The following CDK12 variants were observed in gnomAD, a reference collection of about 807,000 sequenced individuals.
CDK12 encodes the protein cyclin-dependent kinase 12.
Under a neutral mutation model 133.8 loss-of-function variants are expected in CDK12, and 17 were observed. That is an observed-to-expected ratio of 0.13 (90% CI 0.09 to 0.19). CDK12 has a LOEUF of 0.19. CDK12 is among the 10% of genes least tolerant of loss of function. CDK12 has a pLI of 1.00. For missense variants in CDK12, 1,508 were observed against 1,818.7 expected (o/e 0.83, Z 3.11); for synonymous variants, 694 against 683.6 (o/e 1.02, Z -0.24).
Position 39,495,148 on chromosome 17 carries a change from G to A in CDK12, c.2419+454G>A, listed in dbSNP as rs142853283. Among the ~76,000 whole-genome samples, 442 of 152,058 alleles carry A rather than the reference G, an allele frequency of 2.9e-3. 2 individuals are homozygous for A. Among genetic ancestry groups the A allele is most frequent in the African/African-American group, 0.01 (423 of 41,498 alleles). On this transcript the variant is annotated intron_variant, in intron 5 of 13. Coordinates refer to ENST00000447079, the MANE Select transcript of CDK12 (RefSeq NM_016507.4). Reference sequence around the variant, plus strand: ...GGCTGGATTGCAGTCCTGTGATGTCGGCTCACTGCAGCCTCTGCCTCTCGG... The same window carrying A: ...GGCTGGATTGCAGTCCTGTGATGTCAGCTCACTGCAGCCTCTGCCTCTCGG...
At position 39,533,612 on chromosome 17, in the gene CDK12, A is replaced by G. The variant is rs868739126; in HGVS notation, c.*2296A>G. ...TCCCCTCTCCCACCTCTTATTTTTAATTATGCCAAATATCCTAAATAATAT... is the reference window on the plus strand; with the variant it reads ...TCCCCTCTCCCACCTCTTATTTTTAGTTATGCCAAATATCCTAAATAATAT... On this transcript the variant is annotated 3_prime_UTR_variant, in exon 14 of 14. Transcript: ENST00000447079. The G allele has an allele frequency of 5.2e-5, 12 of 232,920 alleles. No homozygotes were observed. The South Asian group carries it at 5.4e-4, about 11-fold the overall frequency. 14.4% of individuals were successfully genotyped at this position (232,920 alleles called of 1,614,324 possible).
At chr17:39,516,008 T>G (rs1375385308) in intron 9 of CDK12, among the ~76,000 whole-genome samples, 200 bp downstream of exon 9, 4 of 152,274 alleles carry the variant, frequency 2.6e-5, no homozygotes, top group African/African-American at 9.6e-5. Flanking sequence ...TTTTTAGATC[T>G]TACTTTGCAT....
In CDK12 at chr17:39,476,716, T is replaced by A. The variant is rs1308818829; in HGVS notation, c.1931+4953T>A. Reference sequence around the variant, plus strand: ...GCATGAGCCACCATGCCTGCCTTTTTTTTTTTTTTTTTTTTTTTTTTTTTG... The same window carrying A: ...GCATGAGCCACCATGCCTGCCTTTTATTTTTTTTTTTTTTTTTTTTTTTTG... On this transcript the variant is annotated intron_variant, in intron 2 of 13. Transcript: ENST00000447079. Among the ~76,000 whole-genome samples the A allele has an allele frequency of 7.1e-4, 72 of 100,780 alleles. 16 individuals are homozygous for A. Among genetic ancestry groups the A allele is most frequent in the African/African-American group, 1.5e-3 (38 of 24,550 alleles). 66.1% of individuals were successfully genotyped at this position (100,780 alleles called of 152,430 possible). A position where few individuals can be genotyped will look rare whatever the true frequency, so the allele number is the denominator to read the frequency against.
At chr17:39,553,497 C>T (rs574763020) in intron 2 of CDK12, among the ~76,000 whole-genome samples, 3 of 152,278 alleles carry the variant, frequency 2.0e-5, no homozygotes, top group Admixed American at 6.5e-5. Context: ...GATCACATGC[C>T]GACAGGGCTG....
chr17:39,484,966 C>T (rs980668812), intron 2 of CDK12, among the ~76,000 whole-genome samples: 2 of 151,980 alleles, frequency 1.3e-5, no homozygotes, highest in Non-Finnish European at 2.9e-5. Context: ...GTCAGGAGAT[C>T]GAGACCATCC....
intron 1 of CDK12, among the ~76,000 whole-genome samples, chr17:39,466,343 A>G (rs1305441529): frequency 1.3e-5 from 2 of 150,302 alleles, no homozygotes; most frequent in East Asian, 2.0e-4. Flanking sequence ...GGCCAGGCGC[A>G]GTGGATCACG....
At position 39,494,549 on chromosome 17, in the gene CDK12, G is replaced by A. The variant is rs770270328; in HGVS notation, c.2274G>A (p.Val758=). The A allele has an allele frequency of 8.7e-6, 14 of 1,613,954 alleles. No individual in the cohort carries two copies. Residue 758 remains valine (V), a synonymous_variant, in exon 5 of 14, where the codon GTG becomes GTA. Coordinates refer to ENST00000447079, the MANE Select transcript of CDK12 (RefSeq NM_016507.4). The part of the protein sequence containing the change: ...DTGELVALKK[V]RLDNEKEGFP... ...GAGAACTAGTGGCTCTGAAGAAGGT[G>A]AGACTAGACAATGAGAAAGAGGGCT...
At chr17:39,500,493 T>C (rs1448070803) in intron 5 of CDK12, among the ~76,000 whole-genome samples, 1 of 151,800 alleles carries the variant, frequency 6.6e-6, no homozygotes, top group Non-Finnish European at 1.5e-5. Context: ...ATTAGCCGGG[T>C]GTGGTGGCAC....
intron 5 of CDK12, among the ~76,000 whole-genome samples, chr17:39,500,768 C>G (rs929096012): frequency 6.6e-6 from 1 of 151,714 alleles, no homozygotes; most frequent in Non-Finnish European, 1.5e-5. Context: ...GCTTTGTTGC[C>G]CAGGCTGGAA....
chr17:39,525,751 T>C (rs2146709576), intron 12 of CDK12, 113 bp from the exon 13 acceptor site: 1 of 754,026 alleles, frequency 1.3e-6, no homozygotes, highest in East Asian at 2.6e-5. Flanking sequence ...AATGAGACAT[T>C]TAAAATGAAA....
rs2054925824 is a variant in CDK12 at position 39,532,499 on chromosome 17, A to G, written c.*1183A>G. The G allele has an allele frequency of 4.3e-6, 1 of 231,644 alleles. No individual in the cohort carries two copies. Among genetic ancestry groups the G allele is most frequent in the African/African-American group, 2.2e-5 (1 of 45,264 alleles). The allele number at this position is 231,644 out of a possible 1,614,324, so 14.3% of individuals were successfully genotyped here. A position where few individuals can be genotyped will look rare whatever the true frequency, so the allele number is the denominator to read the frequency against. On this transcript the variant is annotated 3_prime_UTR_variant, in exon 14 of 14. Coordinates refer to ENST00000447079, the MANE Select transcript of CDK12 (RefSeq NM_016507.4). ...AAAACCTTTCAAACAGAGCATTGTG[A>G]TATTGTCAAAGAGAAAAACAAATCC... is the stretch of plus-strand genomic sequence containing the variant.
intron 3 of CDK12, 38 bp from the exon 4 acceptor site, chr17:39,492,713 T>G: frequency 6.3e-7 from 1 of 1,576,280 alleles, no homozygotes; most frequent in Non-Finnish European, 8.6e-7. Context: ...CCGGCCTTCA[T>G]TTTCTTAAAT....
Position 39,470,376 on chromosome 17 carries a change from C to T in CDK12, c.1047-503C>T, listed in dbSNP as rs548114416. Among the ~76,000 whole-genome samples, 13 of 152,248 alleles carry T rather than the reference C, an allele frequency of 8.5e-5. No homozygotes were observed. The East Asian group carries it at 2.1e-3, about 25-fold the overall frequency. On this transcript the variant is annotated intron_variant, in intron 1 of 13. Transcript: ENST00000447079. The stretch of plus-strand genomic sequence containing the variant: ...GACCTGGTGATCTGCCCGCCTCAGC[C>T]TCCCAAAGTGCTGAGATTACAGGTG...
chr17:39,477,823 T>G (rs2050337475), intron 2 of CDK12, among the ~76,000 whole-genome samples: 1 of 152,068 alleles, frequency 6.6e-6, no homozygotes, highest in Non-Finnish European at 1.5e-5. Context: ...TCTGCCCACC[T>G]TGGCCTCCCA....
intron 10 of CDK12, 22 bp downstream of exon 10, chr17:39,517,578 A>G (rs2053891017): frequency 2.1e-6 from 3 of 1,410,794 alleles, no homozygotes; most frequent in Non-Finnish European, 3.0e-6. Context: ...GAAAATGAAC[A>G]TCTCGTTTCT....
chr17:39,470,051 C>G (rs1307353018), intron 1 of CDK12, among the ~76,000 whole-genome samples: 1 of 151,984 alleles, frequency 6.6e-6, no homozygotes, highest in Non-Finnish European at 1.5e-5. Context: ...AATAGTGACC[C>G]ATCTTTTTTC....
At chr17:39,519,530 T>G (rs548335165) in intron 10 of CDK12, among the ~76,000 whole-genome samples, 2 of 151,638 alleles carry the variant, frequency 1.3e-5, no homozygotes, top group South Asian at 4.2e-4. Context: ...ATCCACCCGC[T>G]TCAGCCTCCC....
chr17:39,536,622 A>G (rs773815790), downstream of CDK12, among the ~76,000 whole-genome samples: 1 of 152,186 alleles, frequency 6.6e-6, no homozygotes, highest in Non-Finnish European at 1.5e-5. Flanking sequence ...GTCTGTGGGA[A>G]GTAAAGCTTG....
rs762901369 is a variant in CDK12, at chr17:39,463,058, A to T, written c.987A>T (p.Arg329=). The change falls in exon 1 of 14, where the codon CGA becomes CGT. Residue 329 remains arginine (R), a synonymous_variant. Transcript: ENST00000447079. ...GGCGATCGCCCAGTCCCTATGGTCG[A>T]AGGCGGTCCAGCAGCCCTTTCCTGA... ...YSGRSPSPYG[R]RRSSSPFLSK... The T allele has an allele frequency of 2.8e-5, 46 of 1,614,074 alleles. No homozygotes were observed. In the South Asian group the frequency reaches 4.7e-4, roughly 17 times the overall value.
Sources: allele counts gnomAD v4.1 joint callset (sites outside exome capture counted in the v4.1 genomes callset), GRCh38; gene constraint gnomAD v4.1.1; transcripts MANE v1.5; gene names NCBI Gene and HGNC (gene_info 2026-07-23, HGNC 2026-07-21).